PCDH9: variants seen among roughly 807,000 people sequenced by gnomAD.
PCDH9 encodes the protein protocadherin-9.
A neutral mutation model predicts 70.6 loss-of-function variants in PCDH9; 24 were observed. That is an observed-to-expected ratio of 0.34 (90% CI 0.25 to 0.48). The LOEUF (loss-of-function observed/expected upper bound fraction) is 0.48. Ranked by LOEUF, PCDH9 falls within the 20% of genes least tolerant of loss-of-function variation. PCDH9 has a pLI of 0.99. For missense variants in PCDH9, 1,281 were observed against 1,503.6 expected (o/e 0.85, Z 2.45); for synonymous variants, 562 against 558.5 (o/e 1.01, Z -0.09).
At chr13:66,767,020 T>C (rs1300783506) in intron 3 of PCDH9, among the ~76,000 whole-genome samples, 1 of 152,066 alleles carries the variant, frequency 6.6e-6, no homozygotes, top group African/African-American at 2.4e-5. Context: ...ATATAATTAA[T>C]AAATTGATAA....
At chr13:66,784,232 G>A (rs1337637965) in intron 3 of PCDH9, among the ~76,000 whole-genome samples, 1 of 152,034 alleles carries the variant, frequency 6.6e-6, no homozygotes, top group East Asian at 1.9e-4. Flanking sequence ...TTATATTTAG[G>A]TATTACCAGA....
At chr13:67,183,750 T>C (rs2088677012) in intron 2 of PCDH9, among the ~76,000 whole-genome samples, 1 of 152,184 alleles carries the variant, frequency 6.6e-6, no homozygotes. Context: ...AAAAACACTT[T>C]CAATGATTAG....
At chr13:66,499,994 T>C (rs545885605) in intron 4 of PCDH9, among the ~76,000 whole-genome samples, 1 of 152,344 alleles carries the variant, frequency 6.6e-6, no homozygotes, top group Admixed American at 6.5e-5. Flanking sequence ...GCTGGTGCCA[T>C]GCTTCTTGTA....
At chr13:66,885,152 T>G (rs756091725) in intron 3 of PCDH9, among the ~76,000 whole-genome samples, 13 of 152,174 alleles carry the variant, frequency 8.5e-5, no homozygotes, top group Admixed American at 5.2e-4. Flanking sequence ...GCTCTCCTAG[T>G]ACTCTCTGAT....
chr13:66,568,437 G>A lies in PCDH9; in HGVS notation c.3340+62773C>T, dbSNP rs548589083. On this transcript the variant is annotated intron_variant, in intron 4 of 4. Transcript: ENST00000377865. Reference sequence around the variant, plus strand: ...CACATACACACACGCACACGCACACGCACACACACACACATACACTGATAA... The same window carrying A: ...CACATACACACACGCACACGCACACACACACACACACACATACACTGATAA... Among the ~76,000 whole-genome samples, 28 of 145,142 alleles carry A rather than the reference G, an allele frequency of 1.9e-4. 1 individual carries two copies. The highest frequency in any genetic ancestry group is 1.5e-3 in the Admixed American group (21 of 14,322).
At chr13:67,100,371 A>G (rs1376230809) in intron 2 of PCDH9, among the ~76,000 whole-genome samples, 1 of 152,204 alleles carries the variant, frequency 6.6e-6, no homozygotes, top group Non-Finnish European at 1.5e-5. Flanking sequence ...TCTTAAAAAG[A>G]AAAACTACTT....
chr13:67,196,625 C>T (rs956682426), intron 2 of PCDH9, among the ~76,000 whole-genome samples: 4 of 151,982 alleles, frequency 2.6e-5, no homozygotes, highest in Non-Finnish European at 4.4e-5. Context: ...AAGTTTTGTA[C>T]GTGTTCCAAA....
At chr13:66,717,412 A>G (rs2078878944) in intron 3 of PCDH9, among the ~76,000 whole-genome samples, 1 of 127,692 alleles carries the variant, frequency 7.8e-6, no homozygotes, top group South Asian at 2.8e-4. Flanking sequence ...AGATCACACC[A>G]CTGCACTCCA....
chr13:67,107,609 G>T (rs1387956348), intron 2 of PCDH9, among the ~76,000 whole-genome samples: 1 of 152,140 alleles, frequency 6.6e-6, no homozygotes, highest in African/African-American at 2.4e-5. Context: ...CCCACTTTGG[G>T]TCTCCTGAGA....
At chr13:66,922,116 T>G (rs1233573782) in intron 2 of PCDH9, among the ~76,000 whole-genome samples, 1 of 151,376 alleles carries the variant, frequency 6.6e-6, no homozygotes. Context: ...ATTTATTATA[T>G]TCATGTATCA....
intron 3 of PCDH9, among the ~76,000 whole-genome samples, chr13:66,708,266 G>T (rs1439367414): frequency 6.6e-6 from 1 of 151,564 alleles, no homozygotes; most frequent in Non-Finnish European, 1.5e-5. Context: ...AGCCGGGATG[G>T]TCTCGATCTC....
chr13:66,744,060 T>C (rs190372321), intron 3 of PCDH9, among the ~76,000 whole-genome samples: 3 of 152,258 alleles, frequency 2.0e-5, no homozygotes, highest in East Asian at 3.9e-4. Flanking sequence ...AGGTTACTTG[T>C]ATTATTCATG....
intron 3 of PCDH9, among the ~76,000 whole-genome samples, chr13:66,632,545 G>A (rs137897728): frequency 6.6e-6 from 1 of 152,146 alleles, no homozygotes. Flanking sequence ...GACCTAAAGT[G>A]TATACATGGT....
chr13:66,396,573 C>T (rs7324955), intron 4 of PCDH9, among the ~76,000 whole-genome samples: 147,104 of 152,222 alleles, frequency 0.97, 71,262 homozygotes, highest in East Asian at 1. Context: ...AATGAATATA[C>T]GAAATAGATA....
At chr13:66,776,974 C>G (rs143067286) in intron 3 of PCDH9, among the ~76,000 whole-genome samples, 2 of 150,948 alleles carry the variant, frequency 1.3e-5, no homozygotes, top group African/African-American at 4.9e-5. Context: ...GAAATAACGC[C>G]GCATATCTAC....
Position 67,039,406 on chromosome 13 carries a change from C to T in PCDH9, c.3037-135801G>A, listed in dbSNP as rs544863170. On this transcript the variant is annotated intron_variant, in intron 2 of 4. Coordinates refer to ENST00000377865, the MANE Select transcript of PCDH9 (RefSeq NM_203487.3). ...TTGTTACCATACGGCATGATCCAGT[C>T]AGATCCTGGCTTCCAGCATCATTTC... Among the ~76,000 whole-genome samples the T allele has an allele frequency of 3.9e-5, 6 of 152,294 alleles. No individual in the cohort carries two copies. In the East Asian group the frequency reaches 1.2e-3, roughly 30 times the overall value.
chr13:66,695,846 G>C (rs2078555891), intron 3 of PCDH9, among the ~76,000 whole-genome samples: 1 of 152,106 alleles, frequency 6.6e-6, no homozygotes, highest in Non-Finnish European at 1.5e-5. Flanking sequence ...ATTAGGTTTT[G>C]TCCTATATTA....
intron 3 of PCDH9, among the ~76,000 whole-genome samples, chr13:66,723,702 G>T (rs904900262): frequency 6.6e-6 from 1 of 152,078 alleles, no homozygotes; most frequent in Admixed American, 6.6e-5. Context: ...GGTAACAAAA[G>T]ATCCAAAAAG....
chr13:66,564,693 G>A (rs565397537), intron 4 of PCDH9, among the ~76,000 whole-genome samples: 3 of 151,980 alleles, frequency 2.0e-5, no homozygotes, highest in South Asian at 4.2e-4. Context: ...GATTATATTA[G>A]TCATAAAATA....
Sources: allele counts gnomAD v4.1 joint callset (sites outside exome capture counted in the v4.1 genomes callset), GRCh38; gene constraint gnomAD v4.1.1; transcripts MANE v1.5; gene names NCBI Gene and HGNC (gene_info 2026-07-23, HGNC 2026-07-21).